FAM168A: variants seen among roughly 807,000 people sequenced by gnomAD.
FAM168A encodes family with sequence similarity 168 member A.
FAM168A carries 3 observed loss-of-function variants against 28.5 expected under a neutral mutation model. The ratio of observed to expected loss-of-function variants is 0.11; its 90% CI spans 0.05 to 0.27. The LOEUF (loss-of-function observed/expected upper bound fraction) is 0.27. FAM168A is among the 10% of genes least tolerant of loss of function. The pLI is 1.00. For synonymous variants in FAM168A, 122 were observed against 124.2 expected (o/e 0.98, Z 0.12); for missense variants, 222 against 311.5 (o/e 0.71, Z 2.16).
intron 1 of FAM168A, among the ~76,000 whole-genome samples, chr11:73,561,079 AAC>A (rs1302142471): frequency 0.054 from 7,873 of 147,048 alleles, 285 homozygotes; most frequent in Non-Finnish European, 0.079. Flanking sequence ...AAAAACAAAA[AAC>A]AAAAAGACCG....
At chr11:73,537,233 T>A (rs1018305811) in intron 1 of FAM168A, among the ~76,000 whole-genome samples, 3 of 152,006 alleles carry the variant, frequency 2.0e-5, no homozygotes, top group African/African-American at 7.3e-5. Context: ...CAGTAGGAAG[T>A]GAGGCTGAAA....
intron 2 of FAM168A, among the ~76,000 whole-genome samples, chr11:73,443,834 T>C (rs562201154): frequency 6.6e-6 from 1 of 152,370 alleles, no homozygotes; most frequent in Admixed American, 6.5e-5. Context: ...TGAGTATCTA[T>C]TCTATGTTAG....
In FAM168A at chr11:73,403,369, A is replaced by G. The variant is rs765669302; in HGVS notation, c.*3394T>C. 1 of 152,226 alleles carries G rather than the reference A, an allele frequency of 6.6e-6. No individual in the cohort carries two copies. Among genetic ancestry groups the G allele is most frequent in the African/African-American group, 2.4e-5 (1 of 41,450 alleles). 9.4% of individuals were successfully genotyped at this position (152,226 alleles called of 1,614,324 possible). A position where few individuals can be genotyped will look rare whatever the true frequency, so the allele number is the denominator to read the frequency against. On this transcript the variant is annotated 3_prime_UTR_variant, in exon 8 of 8. Coordinates refer to ENST00000356467, the MANE Select transcript of FAM168A (RefSeq NM_015159.3). ...GAGGGGGTCAGGTAGAAGTAGAAGA[A>G]TTCAAAAGGGTTGGCTGGTAACGAG...
chr11:73,504,578 C>T (rs1387288197), intron 1 of FAM168A, among the ~76,000 whole-genome samples: 4 of 152,060 alleles, frequency 2.6e-5, no homozygotes, highest in South Asian at 4.1e-4. Context: ...GTTCAACCAT[C>T]GTAGAAGACA....
chr11:73,414,755 C>T (rs1011511188), intron 4 of FAM168A, among the ~76,000 whole-genome samples: 1 of 152,010 alleles, frequency 6.6e-6, no homozygotes, highest in African/African-American at 2.4e-5. Context: ...AGCTTCTGTC[C>T]TAAGGGTATG....
At chr11:73,484,522 A>ATATATCTATATATCTATATATCTATC (rs924294365) in intron 1 of FAM168A, among the ~76,000 whole-genome samples, 3 of 142,744 alleles carry the variant, frequency 2.1e-5, no homozygotes, top group Non-Finnish European at 3.0e-5. Context: ...ATATAGATAT[A>ATATATCTATATATCTATATATCTATC]TATATCTATA....
chr11:73,539,397 G>A (rs2134674952), intron 1 of FAM168A, among the ~76,000 whole-genome samples: 1 of 152,278 alleles, frequency 6.6e-6, no homozygotes, highest in South Asian at 2.1e-4. Context: ...AGCCTCCTGA[G>A]TAGCTGGGAC....
chr11:73,544,998 A>AT (rs1943721864), intron 1 of FAM168A, among the ~76,000 whole-genome samples: 1 of 88,806 alleles, frequency 1.1e-5, no homozygotes, highest in African/African-American at 6.8e-5. Flanking sequence ...TATATAGTAT[A>AT]TATAATATAC....
At chr11:73,581,406 G>T (rs527916515) in intron 1 of FAM168A, among the ~76,000 whole-genome samples, 1 of 152,312 alleles carries the variant, frequency 6.6e-6, no homozygotes, top group East Asian at 1.9e-4. Context: ...TCACATTTAT[G>T]AGCTTCTTTC....
chr11:73,405,022 C>T lies in FAM168A; in HGVS notation c.*1741G>A, dbSNP rs1866479722. The T allele has an allele frequency of 6.6e-6, 1 of 152,202 alleles. No homozygotes were observed. Among genetic ancestry groups the T allele is most frequent in the South Asian group, 2.1e-4 (1 of 4,834 alleles). 9.4% of individuals were successfully genotyped at this position (152,202 alleles called of 1,614,324 possible). ...TGAGACTAGCAGGGACCTCCTCGTC[C>T]CAGGGGTCCCTCTTCTCCCAGATGA... is the stretch of plus-strand genomic sequence containing the variant. On this transcript the variant is annotated 3_prime_UTR_variant, in exon 8 of 8. Transcript: ENST00000356467.
chr11:73,539,645 C>G (rs1000283861), intron 1 of FAM168A, among the ~76,000 whole-genome samples: 2 of 152,212 alleles, frequency 1.3e-5, no homozygotes, highest in Admixed American at 6.5e-5. Flanking sequence ...TTACCTCTAC[C>G]TGTCCATCAG....
intron 1 of FAM168A, among the ~76,000 whole-genome samples, chr11:73,493,785 C>A (rs1854809995): frequency 6.6e-6 from 1 of 152,004 alleles, no homozygotes; most frequent in Non-Finnish European, 1.5e-5. Flanking sequence ...AAAAAAAGAC[C>A]AGGTTTGGGA....
Position 73,582,712 on chromosome 11 carries a change from TAA to T in FAM168A, c.-19+15209_-19+15210del, listed in dbSNP as rs1944262389. Among the ~76,000 whole-genome samples the T allele has an allele frequency of 2.0e-5, 3 of 152,336 alleles. No individual in the cohort carries two copies. The South Asian group carries it at 6.2e-4, about 32-fold the overall frequency. On this transcript the variant is annotated intron_variant, in intron 1 of 7. Coordinates refer to ENST00000356467, the MANE Select transcript of FAM168A (RefSeq NM_015159.3). ...CAAATTAAAACTGACCAAAGGTTAA[TAA>T]AGAGGAAACTTTGAAGCAGAAAAAA...
At chr11:73,425,913 C>A (rs1866877742) in intron 3 of FAM168A, among the ~76,000 whole-genome samples, 1 of 152,184 alleles carries the variant, frequency 6.6e-6, no homozygotes, top group Non-Finnish European at 1.5e-5. Flanking sequence ...AAGTTGGAGG[C>A]AAGAAGCCCC....
intron 1 of FAM168A, among the ~76,000 whole-genome samples, chr11:73,516,176 G>C (rs1943301815): frequency 6.6e-6 from 1 of 151,678 alleles, no homozygotes; most frequent in East Asian, 1.9e-4. Context: ...CTCTTTGGGG[G>C]AACATCTGGG....
At chr11:73,425,071 G>C (rs1565238561) in intron 3 of FAM168A, 2 of 1,519,844 alleles carry the variant, frequency 1.3e-6, no homozygotes, top group Non-Finnish European at 1.8e-6. Flanking sequence ...AATGTTAGTT[G>C]AAATTACCAC....
chr11:73,490,165 C>A (rs1435496500), intron 1 of FAM168A, among the ~76,000 whole-genome samples: 7 of 152,178 alleles, frequency 4.6e-5, no homozygotes, highest in Non-Finnish European at 1.5e-5. Context: ...CATACCTTAA[C>A]AACTAGTCCA....
intron 3 of FAM168A, chr11:73,424,872 T>C (rs1866860813): frequency 5.1e-6 from 3 of 587,018 alleles, no homozygotes; most frequent in Non-Finnish European, 8.7e-6. Context: ...GACACGTTCC[T>C]GCATGCTTTA....
At chr11:73,596,413 A>T (rs755745387) in intron 1 of FAM168A, among the ~76,000 whole-genome samples, 18 of 152,176 alleles carry the variant, frequency 1.2e-4, no homozygotes, top group Non-Finnish European at 2.4e-4. Context: ...TATGATATAC[A>T]AATAACAGAA....
Sources: allele counts gnomAD v4.1 joint callset (sites outside exome capture counted in the v4.1 genomes callset), GRCh38; gene constraint gnomAD v4.1.1; transcripts MANE v1.5; gene names NCBI Gene and HGNC (gene_info 2026-07-23, HGNC 2026-07-21).